Variants in LCP2 observed in about 807,000 individuals in gnomAD.
The protein encoded by LCP2 is lymphocyte cytosolic protein 2.
A neutral mutation model predicts 74.5 loss-of-function variants in LCP2; 29 were observed. That is an observed-to-expected ratio of 0.39 (90% CI 0.29 to 0.53). The LOEUF is 0.53. LCP2 is among the 20% of genes least tolerant of loss of function. The pLI is 0.72. For synonymous variants in LCP2, 228 were observed against 229.5 expected (o/e 0.99, Z 0.06); for missense variants, 604 against 634.6 (o/e 0.95, Z 0.52).
chr5:170,287,893 G>A (rs1762210648), intron 3 of LCP2, 77 bp downstream of exon 3: 1 of 1,339,156 alleles, frequency 7.5e-7, no homozygotes, highest in Admixed American at 1.7e-5. Flanking sequence ...ACATAGAACT[G>A]ACCCAGCCCC....
At chr5:170,271,515 C>T (rs1761897118) in intron 6 of LCP2, among the ~76,000 whole-genome samples, 1 of 152,148 alleles carries the variant, frequency 6.6e-6, no homozygotes, top group South Asian at 2.1e-4. Flanking sequence ...ATCCATTATT[C>T]ATGAAATCTG....
chr5:170,296,047 TC>T lies in LCP2; in HGVS notation c.78+1486del, dbSNP rs2084075649. ...TGGTCACACCTGAATGTTAGGCCTA[TC>T]TGTGCCTCTCAGCCCGTCCCAAGTC... is the stretch of plus-strand genomic sequence containing the variant. On this transcript the variant is annotated intron_variant, in intron 1 of 20. Coordinates refer to ENST00000046794, the MANE Select transcript of LCP2 (RefSeq NM_005565.5). Among the ~76,000 whole-genome samples, 3 of 152,222 alleles carry T rather than the reference TC, an allele frequency of 2.0e-5. No individual in the cohort carries two copies. In the South Asian group the frequency reaches 6.2e-4, roughly 32 times the overall value.
At chr5:170,278,084 AGGGAGCCCC>A (rs962485985) in intron 3 of LCP2, among the ~76,000 whole-genome samples, 2 of 150,692 alleles carry the variant, frequency 1.3e-5, no homozygotes, top group South Asian at 2.1e-4. Flanking sequence ...AGAGCTGGCA[AGGGAGCCCC>A]GTTAGTGTCC....
intron 16 of LCP2, among the ~76,000 whole-genome samples, chr5:170,257,342 C>T (rs747547251): frequency 3.3e-5 from 5 of 152,142 alleles, no homozygotes; most frequent in Admixed American, 2.0e-4. Context: ...GCAGAGGAAA[C>T]ATTGTGAGAA....
At position 170,246,987 on chromosome 5, in the gene LCP2, T is replaced by C. The variant is rs1039755996; in HGVS notation, c.*1710A>G. ...AGACTTAAAATGAGCTTTGGTTTGT[T>C]TTATAAACATGATTCGCTACCAAAT... On this transcript the variant is annotated 3_prime_UTR_variant, in exon 21 of 21. Transcript: ENST00000046794. 1.3e-5 allele frequency: 2 copies of C among 152,240 alleles called. No homozygotes were observed. The highest frequency in any genetic ancestry group is 4.8e-5 in the African/African-American group (2 of 41,454). 9.4% of individuals were successfully genotyped at this position (152,240 alleles called of 1,614,324 possible).
At chr5:170,252,694 G>A (rs564257180) in intron 18 of LCP2, 183 bp from the exon 19 acceptor site, 30 of 545,972 alleles carry the variant, frequency 5.5e-5, no homozygotes, top group Non-Finnish European at 7.5e-5. Context: ...TATTTTGTGC[G>A]AACTGCTTTT....
At chr5:170,281,348 T>C (rs577345431) in intron 3 of LCP2, among the ~76,000 whole-genome samples, 70 of 152,178 alleles carry the variant, frequency 4.6e-4, no homozygotes, top group South Asian at 1.0e-3. Flanking sequence ...GCCACGATCT[T>C]GGCTCACTGC....
rs769342570 is a variant in LCP2 at position 170,268,434 on chromosome 5, TG to T, written c.571del (p.Gln191ArgfsTer45). 51 of 375,698 alleles carry T rather than the reference TG, an allele frequency of 1.4e-4. No individual in the cohort carries two copies. The highest frequency in any genetic ancestry group is 1.5e-4 in the Non-Finnish European group (46 of 299,608). 23.3% of individuals were successfully genotyped at this position (375,698 alleles called of 1,614,324 possible). ...GGGCGGGAGGGCGGCCATCGGTCTCTGGGGGGGCACAGGAGGCTGCTGGGGG... is the reference window on the plus strand; with the variant it reads ...GGGCGGGAGGGCGGCCATCGGTCTCTGGGGGGCACAGGAGGCTGCTGGGGG... ...KTPQQPPVPP[Q>X]RPMAALPPPP... On this transcript the variant is annotated frameshift_variant, in exon 8 of 21. Coordinates refer to ENST00000046794, the MANE Select transcript of LCP2 (RefSeq NM_005565.5). LOFTEE classifies it high-confidence loss of function.
rs904316877 is a variant in LCP2 at position 170,271,642 on chromosome 5, T to C, written c.325-725A>G. On this transcript the variant is annotated intron_variant, in intron 6 of 20. Transcript: ENST00000046794. ...AAAGTAAGCCCGAGGTGCTGGATGC[T>C]TGCCTTTGAAGCAGTCCATGAAGGT... 2.6e-5 allele frequency among the ~76,000 whole-genome samples: 4 copies of C among 152,196 alleles called. No individual in the cohort carries two copies. The South Asian group carries it at 8.3e-4, about 32-fold the overall frequency.
In LCP2 at chr5:170,285,437, T is replaced by A. The variant is rs534800024; in HGVS notation, c.188+2533A>T. 7.9e-5 allele frequency among the ~76,000 whole-genome samples: 12 copies of A among 152,358 alleles called. No homozygotes were observed. The South Asian group carries it at 2.5e-3, about 32-fold the overall frequency. On this transcript the variant is annotated intron_variant, in intron 3 of 20. Coordinates refer to ENST00000046794, the MANE Select transcript of LCP2 (RefSeq NM_005565.5). ...GTCTCTGATTAGATGCCTAATATCATAAATTTTATTTTGTTGGGTAGTGAA... is the reference window on the plus strand; with the variant it reads ...GTCTCTGATTAGATGCCTAATATCAAAAATTTTATTTTGTTGGGTAGTGAA...
In LCP2 at chr5:170,270,739, T is replaced by G; in HGVS notation, c.503A>C (p.Asn168Thr). 6.3e-7 allele frequency: 1 copy of G among 1,585,378 alleles called. No individual in the cohort carries two copies. The highest frequency in any genetic ancestry group is 8.6e-7 in the Non-Finnish European group (1 of 1,167,580). Residue 168 changes from asparagine (N) to threonine (T), a missense_variant, in exon 7 of 21, where the codon AAC becomes ACC. Transcript: ENST00000046794. ...CTTACCGATGTACATGGAGTTGGAG[T>G]TGGGGAAAGGCTTGGCAGGCAGGAT... ...NSILPAKPFP[N>T]SNSMYIDRPP... is the part of the protein sequence containing the mutation.
At position 170,247,359 on chromosome 5, in the gene LCP2, TA is replaced by T. The variant is rs1271824834; in HGVS notation, c.*1337del. The T allele has an allele frequency of 6.6e-6, 1 of 152,244 alleles. No homozygotes were observed. The highest frequency in any genetic ancestry group is 1.5e-5 in the Non-Finnish European group (1 of 68,046). The allele number at this position is 152,244 out of a possible 1,614,324, so 9.4% of individuals were successfully genotyped here. A position where few individuals can be genotyped will look rare whatever the true frequency, so the allele number is the denominator to read the frequency against. On this transcript the variant is annotated 3_prime_UTR_variant, in exon 21 of 21. Coordinates refer to ENST00000046794, the MANE Select transcript of LCP2 (RefSeq NM_005565.5). ...TCTACCTTCTGCATACTCCTTATTT[TA>T]ACATATCATCAGTTTTAAAATGGTG...
chr5:170,260,988 G>T, intron 14 of LCP2, 119 bp downstream of exon 14: 1 of 735,472 alleles, frequency 1.4e-6, no homozygotes, highest in South Asian at 1.5e-5. Flanking sequence ...GAGACCCCTG[G>T]GTGCAGGACC....
intron 2 of LCP2, among the ~76,000 whole-genome samples, chr5:170,290,966 AAG>A (rs35350784): frequency 0.25 from 16,879 of 66,626 alleles, 1,106 homozygotes; most frequent in Middle Eastern, 0.36. Context: ...GAAAGAAAGA[AAG>A]AAAGAAAGAA....
At chr5:170,293,834 AT>A (rs1196998304) in intron 1 of LCP2, among the ~76,000 whole-genome samples, 1 of 152,254 alleles carries the variant, frequency 6.6e-6, no homozygotes, top group African/African-American at 2.4e-5. Flanking sequence ...TAAAGGGATA[AT>A]ATAAACACTG....
intron 3 of LCP2, among the ~76,000 whole-genome samples, chr5:170,276,797 G>A (rs1023334401): frequency 6.6e-6 from 1 of 152,072 alleles, no homozygotes; most frequent in East Asian, 1.9e-4. Flanking sequence ...GGGGCAACTG[G>A]AAGGAACCTC....
rs188477357 is a variant in LCP2, at chr5:170,291,055, G to A, written c.141+2255C>T. Among the ~76,000 whole-genome samples the A allele has an allele frequency of 1.2e-3, 182 of 150,682 alleles. 1 individual carries two copies. Among genetic ancestry groups the A allele is most frequent in the Admixed American group, 9.5e-3 (143 of 15,066 alleles). On this transcript the variant is annotated intron_variant, in intron 2 of 20. Transcript: ENST00000046794. Reference sequence around the variant, plus strand: ...AAGAAAGAGAGATGGAGAGAGGGAAGGAAGGAAGAAAAGAAAGAGAGGGAG... The same window carrying A: ...AAGAAAGAGAGATGGAGAGAGGGAAAGAAGGAAGAAAAGAAAGAGAGGGAG...
Position 170,275,378 on chromosome 5 carries a change from A to G in LCP2, c.255-27T>C, listed in dbSNP as rs200796954. 40 of 1,613,710 alleles carry G rather than the reference A, an allele frequency of 2.5e-5. No individual in the cohort carries two copies. In the African/African-American group the frequency reaches 4.9e-4, roughly 20 times the overall value. ...TGCAAAGGTAAATAGCACTGCATTA[A>G]TGGTCTTCTCGATTTAAGGGGATCT... On this transcript the variant is annotated intron_variant, in intron 4 of 20. Transcript: ENST00000046794.
chr5:170,267,580 T>TCC (rs369358533), intron 8 of LCP2, among the ~76,000 whole-genome samples: 1 of 141,104 alleles, frequency 7.1e-6, no homozygotes, highest in Non-Finnish European at 1.5e-5. Flanking sequence ...CCTTGTCACC[T>TCC]CCCCCCCCCA....
Sources: gnomAD v4.1 joint callset for allele counts (sites outside exome capture counted in the v4.1 genomes callset) on GRCh38, gnomAD v4.1.1 for gene constraint, MANE v1.5 for transcripts, NCBI Gene and HGNC (gene_info 2026-07-23, HGNC 2026-07-21) for gene names.